Variants in IRAK2 observed in about 807,000 individuals in gnomAD.
IRAK2 encodes the protein interleukin 1 receptor associated kinase 2.
Under a neutral mutation model 72.0 loss-of-function variants are expected in IRAK2, and 57 were observed. The observed-to-expected ratio is 0.79, with a 90% confidence interval of 0.64 to 0.99. The LOEUF is 0.99. IRAK2 is among the 50% of genes least tolerant of loss of function. The pLI is 0.00. For missense variants in IRAK2, 790 were observed against 794.4 expected (o/e 0.99, Z 0.07); for synonymous variants, 293 against 312.7 (o/e 0.94, Z 0.67).
At chr3:10,173,469 G>C (rs1696827073) in intron 1 of IRAK2, among the ~76,000 whole-genome samples, 2 of 152,144 alleles carry the variant, frequency 1.3e-5, no homozygotes, top group East Asian at 3.8e-4. Flanking sequence ...CTGCAGCTTA[G>C]CAGAAGGCCT....
chr3:10,200,402 C>T lies in IRAK2; in HGVS notation c.311C>T (p.Pro104Leu), dbSNP rs1397867033. ...GCTCCTGAAATCAGGTGTCCCATTCCAGCCTTCCCTGACTCTGTGAAGCCA... is the reference window on the plus strand; with the variant it reads ...GCTCCTGAAATCAGGTGTCCCATTCTAGCCTTCCCTGACTCTGTGAAGCCA... ...KPAPEIRCPI[P>L]AFPDSVKPEK... The change falls in exon 3 of 13, where the codon CCA (proline) becomes CTA (leucine). Residue 104 changes from proline (P) to leucine (L), a missense_variant. Coordinates refer to ENST00000256458, the MANE Select transcript of IRAK2 (RefSeq NM_001570.4). The T allele has an allele frequency of 1.2e-6, 2 of 1,601,502 alleles. No homozygotes were observed.
At chr3:10,176,863 C>T (rs1217984660) in intron 1 of IRAK2, among the ~76,000 whole-genome samples, 10 of 150,546 alleles carry the variant, frequency 6.6e-5, no homozygotes, top group South Asian at 2.1e-4. Flanking sequence ...AGTGCAATGG[C>T]GTGATCTTGG....
rs190483999 is a variant in IRAK2 at position 10,203,468 on chromosome 3, C to T, written c.424+2953C>T. ...AAAGCTTGTCTTCTTTCGGGAAAAC[C>T]CCAAGGTTCCACTGAGCCCCAGAGT... is the stretch of plus-strand genomic sequence containing the variant. On this transcript the variant is annotated intron_variant, in intron 3 of 12. Transcript: ENST00000256458. 4.0e-3 allele frequency among the ~76,000 whole-genome samples: 611 copies of T among 152,264 alleles called. 5 individuals carry two copies. Among genetic ancestry groups the T allele is most frequent in the Non-Finnish European group, 6.9e-3 (466 of 68,022 alleles).
At chr3:10,238,552 C>T (rs1054985157) in intron 11 of IRAK2, among the ~76,000 whole-genome samples, 196 bp from the exon 12 acceptor site, 7 of 152,122 alleles carry the variant, frequency 4.6e-5, no homozygotes, top group East Asian at 3.9e-4. Context: ...TGGGTCACGC[C>T]GTCTCATCTA....
chr3:10,201,716 C>T (rs1409649892), intron 3 of IRAK2, among the ~76,000 whole-genome samples: 1 of 152,244 alleles, frequency 6.6e-6, no homozygotes, highest in Non-Finnish European at 1.5e-5. Flanking sequence ...TCAGCCCAAT[C>T]TCCATTCTCA....
At chr3:10,177,636 G>A (rs1397343088) in intron 1 of IRAK2, among the ~76,000 whole-genome samples, 1 of 152,186 alleles carries the variant, frequency 6.6e-6, no homozygotes, top group African/African-American at 2.4e-5. Flanking sequence ...TAAGTCATAT[G>A]TACTGGACCC....
intron 9 of IRAK2, among the ~76,000 whole-genome samples, chr3:10,225,671 C>G (rs755444191): frequency 4.6e-5 from 7 of 151,866 alleles, no homozygotes; most frequent in Non-Finnish European, 8.8e-5. Flanking sequence ...CAGAGCAATG[C>G]CTGCTTGCCA....
intron 10 of IRAK2, among the ~76,000 whole-genome samples, chr3:10,232,289 C>T (rs1169927680): frequency 6.6e-6 from 1 of 152,192 alleles, no homozygotes; most frequent in African/African-American, 2.4e-5. Flanking sequence ...TGGTCTCCTT[C>T]CCTTGTTTCT....
At chr3:10,172,837 C>CAAAAAAA in intron 1 of IRAK2, among the ~76,000 whole-genome samples, 1 of 53,956 alleles carries the variant, frequency 1.9e-5, no homozygotes, top group Non-Finnish European at 3.1e-5. Context: ...GACTCTGTCT[C>CAAAAAAA]AAAAAAAAAA....
intron 3 of IRAK2, among the ~76,000 whole-genome samples, chr3:10,207,856 A>G (rs1022524528): frequency 1.3e-5 from 2 of 152,194 alleles, no homozygotes; most frequent in East Asian, 3.9e-4. Flanking sequence ...AGCCGGCATC[A>G]TGGCGCACGC....
At position 10,230,014 on chromosome 3, in the gene IRAK2, C is replaced by T. The variant is rs144381874; in HGVS notation, c.1272+3581C>T. 4.1e-3 allele frequency among the ~76,000 whole-genome samples: 623 copies of T among 152,078 alleles called. 3 individuals are homozygous for T. Among genetic ancestry groups the T allele is most frequent in the Middle Eastern group, 0.017 (5 of 294 alleles). ...ACTCAGGAGGCTGAAGCAGGAGAATCGCTTGAACCTGGGAGGCAGAGTACA... is the reference window on the plus strand; with the variant it reads ...ACTCAGGAGGCTGAAGCAGGAGAATTGCTTGAACCTGGGAGGCAGAGTACA... On this transcript the variant is annotated intron_variant, in intron 10 of 12. Transcript: ENST00000256458.
chr3:10,217,996 A>G (rs1377064271), intron 7 of IRAK2, among the ~76,000 whole-genome samples: 1 of 152,248 alleles, frequency 6.6e-6, no homozygotes, highest in Admixed American at 6.5e-5. Context: ...CCAAAGGAAC[A>G]TAGAGGACAA....
intron 10 of IRAK2, among the ~76,000 whole-genome samples, 200 bp downstream of exon 10, chr3:10,226,633 C>G (rs978785557): frequency 6.6e-6 from 1 of 152,024 alleles, no homozygotes; most frequent in African/African-American, 2.4e-5. Flanking sequence ...ATAATAGCAT[C>G]TGGGGCTTGG....
At chr3:10,215,021 G>A (rs1050439481) in intron 6 of IRAK2, among the ~76,000 whole-genome samples, 4 of 150,548 alleles carry the variant, frequency 2.7e-5, no homozygotes, top group African/African-American at 7.4e-5. Flanking sequence ...GAGCCCAGGA[G>A]GCAGAAGTTG....
intron 3 of IRAK2, among the ~76,000 whole-genome samples, chr3:10,204,291 G>A (rs757786903): frequency 7.2e-5 from 11 of 152,182 alleles, no homozygotes; most frequent in Admixed American, 2.6e-4. Flanking sequence ...TGGAGCCAGC[G>A]CTTGAGCCAA....
At chr3:10,238,676 G>T in intron 11 of IRAK2, 72 bp from the exon 12 acceptor site, 1 of 1,451,072 alleles carries the variant, frequency 6.9e-7, no homozygotes, top group Non-Finnish European at 9.5e-7. Context: ...CTCTCTGCTG[G>T]GAGGCCAGAT....
intron 1 of IRAK2, among the ~76,000 whole-genome samples, chr3:10,177,612 C>A (rs370200868): frequency 6.6e-6 from 1 of 152,196 alleles, no homozygotes; most frequent in African/African-American, 2.4e-5. Context: ...CCTCCTGTCC[C>A]GTGGTCTTTC....
intron 2 of IRAK2, among the ~76,000 whole-genome samples, chr3:10,183,519 C>G (rs1344583964): frequency 6.6e-6 from 1 of 152,266 alleles, no homozygotes; most frequent in East Asian, 1.9e-4. Flanking sequence ...AGATCGAGAC[C>G]ATCCTGGCTA....
rs964941381 is a variant in IRAK2 at position 10,224,607 on chromosome 3, G to A, written c.1210-1764G>A. 1.7e-4 allele frequency among the ~76,000 whole-genome samples: 25 copies of A among 150,200 alleles called. No homozygotes were observed. In the Admixed American group the frequency reaches 1.7e-3, roughly 10 times the overall value. On this transcript the variant is annotated intron_variant, in intron 9 of 12. Coordinates refer to ENST00000256458, the MANE Select transcript of IRAK2 (RefSeq NM_001570.4). Reference sequence around the variant, plus strand: ...CCTTTACACCCTCCTTCTGATATCTGTTTACTCTTGACCTTCTAACTGGTG... The same window carrying A: ...CCTTTACACCCTCCTTCTGATATCTATTTACTCTTGACCTTCTAACTGGTG...
Sources: gnomAD v4.1 joint callset for allele counts (sites outside exome capture counted in the v4.1 genomes callset) on GRCh38, gnomAD v4.1.1 for gene constraint, MANE v1.5 for transcripts, NCBI Gene and HGNC (gene_info 2026-07-23, HGNC 2026-07-21) for gene names.